The following PDE1A variants were observed in gnomAD, a reference collection of about 807,000 sequenced individuals.
PDE1A encodes the protein dual specificity calcium/calmodulin-dependent 3',5'-cyclic nucleotide phosphodiesterase 1A.
PDE1A carries 35 observed loss-of-function variants against 61.7 expected under a neutral mutation model. That is an observed-to-expected ratio of 0.57 (90% CI 0.43 to 0.75). The LOEUF is 0.75. Ranked by LOEUF, PDE1A falls within the 30% of genes least tolerant of loss-of-function variation. The pLI is 0.00. For synonymous variants in PDE1A, 232 were observed against 213.2 expected (o/e 1.09, Z -0.77); for missense variants, 597 against 630.6 (o/e 0.95, Z 0.57).
the PDE1A span, among the ~76,000 whole-genome samples, chr2:182,646,736 G>A: frequency 6.6e-6 from 1 of 151,194 alleles, no homozygotes; most frequent in African/African-American, 2.4e-5. Context: ...TAATTCCCAA[G>A]TCAGTGAAAC....
the PDE1A span, among the ~76,000 whole-genome samples, chr2:182,671,985 GCTC>G: frequency 6.6e-6 from 1 of 151,992 alleles, no homozygotes; most frequent in African/African-American, 2.4e-5. Flanking sequence ...CCTTACTCCA[GCTC>G]CTCCTCGAAT....
At chr2:182,700,952 G>A in the PDE1A span, among the ~76,000 whole-genome samples, 1 of 151,854 alleles carries the variant, frequency 6.6e-6, no homozygotes, top group East Asian at 1.9e-4. Flanking sequence ...TTAAATGCAT[G>A]TCCTAATTAG....
chr2:182,504,812 T>C (rs975412453), intron 2 of PDE1A, among the ~76,000 whole-genome samples: 18 of 152,248 alleles, frequency 1.2e-4, no homozygotes, highest in African/African-American at 2.4e-5. Context: ...TGGTGACTAT[T>C]GTCCAAGCTT....
the PDE1A span, among the ~76,000 whole-genome samples, chr2:182,674,212 A>G: frequency 6.6e-6 from 1 of 152,026 alleles, no homozygotes; most frequent in African/African-American, 2.4e-5. Context: ...GCTACACTAT[A>G]CACTAAACCA....
At chr2:182,691,702 C>T in the PDE1A span, among the ~76,000 whole-genome samples, 4 of 152,182 alleles carry the variant, frequency 2.6e-5, no homozygotes, top group African/African-American at 9.6e-5. Flanking sequence ...AACTAAAGAG[C>T]TTCTGCACAG....
intron 1 of PDE1A, among the ~76,000 whole-genome samples, chr2:182,312,304 A>C (rs576959147): frequency 5.3e-5 from 8 of 152,252 alleles, no homozygotes; most frequent in Non-Finnish European, 1.2e-4. Flanking sequence ...TTAAATAGTT[A>C]ATGAAGTCCA....
chr2:182,222,511 A>G (rs1440808361), intron 7 of PDE1A, among the ~76,000 whole-genome samples: 2 of 152,028 alleles, frequency 1.3e-5, no homozygotes, highest in East Asian at 3.9e-4. Flanking sequence ...AGAACCCATA[A>G]TGCAAAGAGT....
intron 10 of PDE1A, among the ~76,000 whole-genome samples, chr2:182,189,573 C>A (rs1685516420): frequency 6.6e-6 from 1 of 151,948 alleles, no homozygotes; most frequent in Admixed American, 6.6e-5. Context: ...TGAGGAATTT[C>A]TTCAACATTC....
chr2:182,711,412 A>G, the PDE1A span, among the ~76,000 whole-genome samples: 1 of 152,134 alleles, frequency 6.6e-6, no homozygotes, highest in South Asian at 2.1e-4. Context: ...TTACATTGCA[A>G]TTGGAAATAT....
In PDE1A at chr2:182,367,821, TTTTA is replaced by T. The variant is rs201663392; in HGVS notation, c.53+58753_53+58756del. 1.5e-3 allele frequency among the ~76,000 whole-genome samples: 228 copies of T among 152,216 alleles called. 1 individual carries two copies. The highest frequency in any genetic ancestry group is 5.3e-3 in the African/African-American group (220 of 41,562). The stretch of plus-strand genomic sequence containing the variant: ...ATTAACCTGGAAATATCTATCTTAT[TTTTA>T]TTTATTATCTGTCTTTAAAAAAATC... On this transcript the variant is annotated intron_variant, in intron 1 of 13. Transcript: ENST00000351439.
At chr2:182,327,670 A>G (rs1448290349) in intron 1 of PDE1A, among the ~76,000 whole-genome samples, 1 of 152,166 alleles carries the variant, frequency 6.6e-6, no homozygotes. Context: ...TAACAACACA[A>G]GGTCACTGAA....
At chr2:182,622,963 A>C in the PDE1A span, among the ~76,000 whole-genome samples, 1,375 of 152,272 alleles carry the variant, frequency 9.0e-3, 11 homozygotes, top group South Asian at 0.024. Context: ...AGTTAGAACA[A>C]CACCACCCAA....
chr2:182,222,766 C>G (rs950656537), intron 7 of PDE1A, among the ~76,000 whole-genome samples: 2 of 151,874 alleles, frequency 1.3e-5, no homozygotes, highest in African/African-American at 2.4e-5. Context: ...CTTTCCTCAA[C>G]AAGAATGGAG....
intron 2 of PDE1A, among the ~76,000 whole-genome samples, chr2:182,464,712 C>T (rs1686538669): frequency 6.6e-6 from 1 of 151,918 alleles, no homozygotes; most frequent in Non-Finnish European, 1.5e-5. Flanking sequence ...AATTCATAGC[C>T]AAGGATCAGG....
At chr2:182,481,188 G>A (rs932407703) in intron 2 of PDE1A, among the ~76,000 whole-genome samples, 1 of 151,792 alleles carries the variant, frequency 6.6e-6, no homozygotes, top group African/African-American at 2.4e-5. Flanking sequence ...TTTTTTAAAG[G>A]GGGGCACTAC....
chr2:182,291,323 T>C (rs1260030538), intron 1 of PDE1A, among the ~76,000 whole-genome samples: 1 of 152,328 alleles, frequency 6.6e-6, no homozygotes, highest in East Asian at 1.9e-4. Context: ...CTGGAAACTC[T>C]GTCAAACTGC....
At chr2:182,521,060 G>T (rs1219388105) in intron 2 of PDE1A, among the ~76,000 whole-genome samples, 1 of 151,922 alleles carries the variant, frequency 6.6e-6, no homozygotes, top group African/African-American at 2.4e-5. Context: ...GCATTATTGT[G>T]CTCTTACACT....
chr2:182,338,335 G>A (rs902432996), intron 1 of PDE1A, among the ~76,000 whole-genome samples: 2 of 152,194 alleles, frequency 1.3e-5, no homozygotes, highest in African/African-American at 4.8e-5. Flanking sequence ...TTCATGAAAT[G>A]AGCGTGTAAA....
At chr2:182,217,358 G>T (rs1171763846) in intron 7 of PDE1A, among the ~76,000 whole-genome samples, 315 of 61,632 alleles carry the variant, frequency 5.1e-3, no homozygotes, top group East Asian at 0.017. Flanking sequence ...ATAGGCATGG[G>T]CAAGGACTTC....
Sources: allele counts gnomAD v4.1 joint callset (sites outside exome capture counted in the v4.1 genomes callset), GRCh38; gene constraint gnomAD v4.1.1; transcripts MANE v1.5; gene names NCBI Gene and HGNC (gene_info 2026-07-23, HGNC 2026-07-21).